COL25A1: variants seen among roughly 807,000 people sequenced by gnomAD.
COL25A1 encodes the protein collagen type XXV alpha 1 chain.
A neutral mutation model predicts 128.4 loss-of-function variants in COL25A1; 103 were observed. The ratio of observed to expected loss-of-function variants is 0.80; its 90% CI spans 0.68 to 0.94. The LOEUF is 0.94. Among genes scored for constraint, COL25A1 ranks in the 40% least tolerant of loss-of-function variants. The pLI, the probability that COL25A1 is intolerant of heterozygous loss-of-function variation, is 0.00. For synonymous variants in COL25A1, 279 were observed against 277.2 expected (o/e 1.01, Z -0.06); for missense variants, 745 against 840.0 (o/e 0.89, Z 1.40).
intron 3 of COL25A1, among the ~76,000 whole-genome samples, chr4:109,239,074 G>A (rs915032181): frequency 3.3e-5 from 5 of 151,850 alleles, no homozygotes; most frequent in African/African-American, 1.2e-4. Flanking sequence ...TTCTACTGAT[G>A]GAAATCTTTG....
At chr4:109,228,637 T>C (rs1175809775) in intron 3 of COL25A1, among the ~76,000 whole-genome samples, 2 of 152,160 alleles carry the variant, frequency 1.3e-5, no homozygotes, top group African/African-American at 4.8e-5. Context: ...CAGGGTTGTG[T>C]CTCTCTGGAT....
intron 6 of COL25A1, among the ~76,000 whole-genome samples, chr4:109,004,867 C>T (rs1223475140): frequency 6.6e-6 from 1 of 152,078 alleles, no homozygotes; most frequent in Admixed American, 6.5e-5. Flanking sequence ...TTATTTATAA[C>T]GATGCAAGAA....
At chr4:108,832,252 G>T in intron 32 of COL25A1, 128 bp downstream of exon 32, 1 of 644,198 alleles carries the variant, frequency 1.6e-6, no homozygotes, top group Admixed American at 3.3e-5. Flanking sequence ...ACTTAGGATG[G>T]TATCTCTTTT....
chr4:109,229,806 G>C (rs1261566756), intron 3 of COL25A1, among the ~76,000 whole-genome samples: 2 of 152,150 alleles, frequency 1.3e-5, no homozygotes. Flanking sequence ...GATTTGGAGG[G>C]TATGCTGGGC....
chr4:108,903,953 G>A (rs2125870076), intron 13 of COL25A1, among the ~76,000 whole-genome samples: 1 of 152,136 alleles, frequency 6.6e-6, no homozygotes, highest in Non-Finnish European at 1.5e-5. Context: ...AAATTTTACA[G>A]CTGAAAAGTG....
At chr4:109,253,810 G>A (rs11733316) in intron 3 of COL25A1, among the ~76,000 whole-genome samples, 66,770 of 151,970 alleles carry the variant, frequency 0.44, 16,596 homozygotes, top group African/African-American at 0.65. Flanking sequence ...CATTTAGGCC[G>A]GGCGCAGTGG....
intron 35 of COL25A1, among the ~76,000 whole-genome samples, chr4:108,823,310 A>G (rs1438134430): frequency 1.3e-5 from 2 of 152,094 alleles, no homozygotes; most frequent in African/African-American, 4.8e-5. Flanking sequence ...AGTGTAAACA[A>G]TTCTCCTTAG....
At chr4:109,064,676 TCTA>T (rs1432710577) in intron 3 of COL25A1, among the ~76,000 whole-genome samples, 3 of 152,204 alleles carry the variant, frequency 2.0e-5, no homozygotes, top group Non-Finnish European at 4.4e-5. Context: ...GTCATTAAGT[TCTA>T]CAGAATATTA....
At chr4:109,024,787 A>G (rs1262757998) in intron 5 of COL25A1, among the ~76,000 whole-genome samples, 1 of 138,024 alleles carries the variant, frequency 7.2e-6, no homozygotes, top group Non-Finnish European at 1.5e-5. Flanking sequence ...TCTTTCTTCC[A>G]ATTCAGGGTG....
At chr4:108,901,668 A>C (rs1039746418) in intron 13 of COL25A1, among the ~76,000 whole-genome samples, 1 of 152,158 alleles carries the variant, frequency 6.6e-6, no homozygotes, top group African/African-American at 2.4e-5. Flanking sequence ...CATTTGACAC[A>C]AAAGTAAACA....
chr4:109,139,847 C>T (rs1483176093), intron 3 of COL25A1, among the ~76,000 whole-genome samples: 10 of 151,534 alleles, frequency 6.6e-5, no homozygotes, highest in East Asian at 1.9e-4. Flanking sequence ...CAACAGGCCC[C>T]GGTGTGTGAT....
rs867059692 is a variant in COL25A1 at position 108,879,306 on chromosome 4, T to C, written c.1020+4872A>G. Among the ~76,000 whole-genome samples, 8 of 152,342 alleles carry C rather than the reference T, an allele frequency of 5.3e-5. No individual in the cohort carries two copies. The Middle Eastern group carries it at 0.014, about 259-fold the overall frequency. ...AACAAAAATATCAAGCTTTGAAGCA[T>C]GATACTACTGTGAAAATGTATTTGC... On this transcript the variant is annotated intron_variant, in intron 19 of 37. Transcript: ENST00000399132.
rs761297029 is a variant in COL25A1, at chr4:109,010,352, C to T, written c.438+6G>A. On this transcript the variant is annotated splice_donor_region_variant and intron_variant, in intron 6 of 37. Transcript: ENST00000399132. ...AAAATAATTTGCTAGAAAAGAATTA[C>T]CTTACCTGAGGACCAGGCTGTCCCT... is the stretch of plus-strand genomic sequence containing the variant. 8.9e-6 allele frequency: 14 copies of T among 1,578,268 alleles called. No homozygotes were observed. The highest frequency in any genetic ancestry group is 1.2e-5 in the Non-Finnish European group (14 of 1,165,832).
intron 5 of COL25A1, among the ~76,000 whole-genome samples, chr4:109,022,368 T>A (rs1757859177): frequency 6.8e-6 from 1 of 147,502 alleles, no homozygotes; most frequent in African/African-American, 2.6e-5. Context: ...AGTGAGGCAG[T>A]GGAATCATCA....
At chr4:108,967,596 C>T (rs1751457818) in intron 8 of COL25A1, among the ~76,000 whole-genome samples, 1 of 152,126 alleles carries the variant, frequency 6.6e-6, no homozygotes, top group Non-Finnish European at 1.5e-5. Flanking sequence ...CCCTGTCCAG[C>T]CTGACTTCAG....
At chr4:109,008,430 C>T (rs1579065659) in intron 6 of COL25A1, among the ~76,000 whole-genome samples, 1 of 152,198 alleles carries the variant, frequency 6.6e-6, no homozygotes, top group African/African-American at 2.4e-5. Flanking sequence ...TTTCTCCACT[C>T]TCTCACGATG....
At chr4:109,084,079 C>G (rs1340479463) in intron 3 of COL25A1, among the ~76,000 whole-genome samples, 1 of 152,180 alleles carries the variant, frequency 6.6e-6, no homozygotes, top group Non-Finnish European at 1.5e-5. Context: ...TCCTGAGGAC[C>G]TTGTCCTGAA....
At chr4:109,044,087 TAGTGTGTGTG>T (rs1760184847) in intron 5 of COL25A1, among the ~76,000 whole-genome samples, 1 of 121,778 alleles carries the variant, frequency 8.2e-6, no homozygotes, top group Non-Finnish European at 1.6e-5. Context: ...ACTCCTCTGA[TAGTGTGTGTG>T]TGTGTGTGTG....
intron 8 of COL25A1, among the ~76,000 whole-genome samples, chr4:108,943,034 G>A (rs1748326954): frequency 6.6e-6 from 1 of 152,120 alleles, no homozygotes; most frequent in Non-Finnish European, 1.5e-5. Flanking sequence ...GGGATTACAG[G>A]CGTGAACCAC....
Sources: gnomAD v4.1 joint callset for allele counts (sites outside exome capture counted in the v4.1 genomes callset) on GRCh38, gnomAD v4.1.1 for gene constraint, MANE v1.5 for transcripts, NCBI Gene and HGNC (gene_info 2026-07-23, HGNC 2026-07-21) for gene names.